The following PCDH15 variants were observed in gnomAD, a reference collection of about 807,000 sequenced individuals.
The protein encoded by PCDH15 is protocadherin-15.
In PCDH15, 129 loss-of-function variants were observed where a neutral mutation model predicts 178.5. The ratio of observed to expected loss-of-function variants is 0.72; its 90% CI spans 0.63 to 0.84. PCDH15 has a LOEUF of 0.84. PCDH15 is among the 40% of genes least tolerant of loss of function. The pLI is 0.00. For synonymous variants in PCDH15, 800 were observed against 732.0 expected, an observed-to-expected ratio of 1.09 and a Z score of -1.50; for missense variants, 2,230 against 2,099.9, an observed-to-expected ratio of 1.06 and a Z score of -1.21.
chr10:53,856,300 A>G (rs2078742979), intron 28 of PCDH15, among the ~76,000 whole-genome samples: 1 of 151,984 alleles, frequency 6.6e-6, no homozygotes, highest in African/African-American at 2.4e-5. Context: ...TAAAATAGTA[A>G]AGATATTTTA....
intron 2 of PCDH15, among the ~76,000 whole-genome samples, chr10:55,548,253 CAA>C (rs1312405581): frequency 1.1e-3 from 163 of 144,560 alleles, no homozygotes; most frequent in African/African-American, 3.8e-3. Flanking sequence ...CACACACACA[CAA>C]ACATGATCCT....
At chr10:54,658,332 T>G (rs1162288044) in intron 2 of PCDH15, among the ~76,000 whole-genome samples, 1 of 152,048 alleles carries the variant, frequency 6.6e-6, no homozygotes, top group Non-Finnish European at 1.5e-5. Context: ...AGTCATAAAT[T>G]TATCAGACTA....
At chr10:54,782,046 C>A (rs751946249) in intron 1 of PCDH15, among the ~76,000 whole-genome samples, 1 of 152,100 alleles carries the variant, frequency 6.6e-6, no homozygotes, top group Non-Finnish European at 1.5e-5. Flanking sequence ...AAAATACATT[C>A]TTTAATAAGC....
chr10:55,117,761 T>A (rs1012755433), intron 2 of PCDH15, among the ~76,000 whole-genome samples: 2 of 152,128 alleles, frequency 1.3e-5, no homozygotes, highest in African/African-American at 4.8e-5. Flanking sequence ...TTATGAGAAA[T>A]CAACAGAAGA....
chr10:54,223,622 A>G (rs2053134262), intron 9 of PCDH15, among the ~76,000 whole-genome samples: 1 of 150,982 alleles, frequency 6.6e-6, no homozygotes, highest in East Asian at 1.9e-4. Context: ...ATTTATTAGC[A>G]TAATACTTCT....
At chr10:54,795,636 C>T (rs1336500699) in intron 1 of PCDH15, among the ~76,000 whole-genome samples, 5 of 151,924 alleles carry the variant, frequency 3.3e-5, no homozygotes, top group East Asian at 2.0e-4. Flanking sequence ...TAAAATACAA[C>T]GTGCAAGGCC....
intron 13 of PCDH15, among the ~76,000 whole-genome samples, chr10:54,153,929 CA>C (rs1437567923): frequency 6.6e-6 from 1 of 152,136 alleles, no homozygotes; most frequent in Non-Finnish European, 1.5e-5. Context: ...TGTAGAATAT[CA>C]AGGGTAACAT....
At chr10:54,554,686 A>C (rs1489706855) in intron 2 of PCDH15, among the ~76,000 whole-genome samples, 1 of 152,198 alleles carries the variant, frequency 6.6e-6, no homozygotes, top group Non-Finnish European at 1.5e-5. Context: ...GAAAATATTC[A>C]GGAGTAGATC....
At chr10:53,925,627 C>A (rs1206532158) in intron 25 of PCDH15, among the ~76,000 whole-genome samples, 2 of 152,192 alleles carry the variant, frequency 1.3e-5, no homozygotes, top group African/African-American at 4.8e-5. Context: ...AGATCATTGC[C>A]TCGACAGGGA....
intron 2 of PCDH15, among the ~76,000 whole-genome samples, chr10:55,541,848 T>C (rs1341321541): frequency 6.6e-6 from 1 of 151,894 alleles, no homozygotes; most frequent in Non-Finnish European, 1.5e-5. Flanking sequence ...GATTATATTA[T>C]AGCCACCTCT....
At chr10:54,853,059 G>A (rs555788271) in intron 3 of PCDH15, among the ~76,000 whole-genome samples, 45 of 150,814 alleles carry the variant, frequency 3.0e-4, no homozygotes, top group African/African-American at 9.0e-4. Flanking sequence ...TTGGGAGTTA[G>A]AGACCAGCCT....
chr10:54,754,950 T>TCC (rs1213214172), intron 1 of PCDH15, among the ~76,000 whole-genome samples: 10 of 92,032 alleles, frequency 1.1e-4, no homozygotes, highest in Non-Finnish European at 2.2e-4. Flanking sequence ...TTCTTTTTTT[T>TCC]TTTTTTTTTT....
chr10:54,879,142 G>A (rs945069937), intron 3 of PCDH15, among the ~76,000 whole-genome samples: 2 of 151,824 alleles, frequency 1.3e-5, no homozygotes, highest in East Asian at 3.9e-4. Context: ...ACAACTTTAC[G>A]TATGTTAGAA....
At position 54,506,335 on chromosome 10, in the gene PCDH15, A is replaced by G. The variant is rs1016046247; in HGVS notation, c.157+21477T>C. Among the ~76,000 whole-genome samples the G allele has an allele frequency of 3.9e-5, 6 of 152,120 alleles. No homozygotes were observed. In the East Asian group the frequency reaches 1.2e-3, roughly 29 times the overall value. On this transcript the variant is annotated intron_variant, in intron 3 of 37. Transcript: ENST00000644397. ...GTATTTAGGTGGATAATTCAAAAGT[A>G]CTCTACCTAATATAATGTGAATACT...
intron 25 of PCDH15, among the ~76,000 whole-genome samples, chr10:53,915,779 C>G (rs932124936): frequency 1.3e-5 from 2 of 152,122 alleles, no homozygotes; most frequent in Non-Finnish European, 2.9e-5. Flanking sequence ...AGGCTGGTCT[C>G]AAACTCCTGA....
chr10:53,893,790 C>T (rs866798891), intron 26 of PCDH15, among the ~76,000 whole-genome samples: 3 of 151,984 alleles, frequency 2.0e-5, no homozygotes, highest in African/African-American at 4.8e-5. Context: ...TTTGGGGACT[C>T]GGGGGACAGA....
chr10:53,865,654 T>C (rs887744380), intron 27 of PCDH15, among the ~76,000 whole-genome samples: 1 of 152,190 alleles, frequency 6.6e-6, no homozygotes, highest in African/African-American at 2.4e-5. Flanking sequence ...ATTTACTCTA[T>C]TGCAGCTTTA....
At position 55,035,569 on chromosome 10, in the gene PCDH15, G is replaced by T. The variant is rs149116124; in HGVS notation, c.-80+131007C>A. ...AGCGTAATAAAGTTAACTATTCATG[G>T]TACTCTGGGACTTTCTTGGGGCAAA... On this transcript the variant is annotated intron_variant, in intron 2 of 5. Coordinates refer to the PCDH15 transcript ENST00000458638. Among the ~76,000 whole-genome samples the T allele has an allele frequency of 9.2e-3, 1,406 of 152,152 alleles. 8 individuals carry two copies. The highest frequency in any genetic ancestry group is 0.016 in the Non-Finnish European group (1,055 of 68,002).
intron 18 of PCDH15, among the ~76,000 whole-genome samples, chr10:54,033,924 T>C (rs1017886510): frequency 1.7e-4 from 26 of 151,858 alleles, no homozygotes; most frequent in African/African-American, 6.3e-4. Flanking sequence ...CTCTGAAGAG[T>C]CAAGAGTAAT....
Sources: allele counts gnomAD v4.1 joint callset (sites outside exome capture counted in the v4.1 genomes callset), GRCh38; gene constraint gnomAD v4.1.1; transcripts MANE v1.5; gene names NCBI Gene and HGNC (gene_info 2026-07-23, HGNC 2026-07-21).